Variants in RECQL5 observed in about 807,000 individuals in gnomAD.
RECQL5 encodes the protein RecQ like helicase 5.
Under a neutral mutation model 103.4 loss-of-function variants are expected in RECQL5, and 88 were observed. The ratio of observed to expected loss-of-function variants is 0.85; its 90% CI spans 0.72 to 1.02. RECQL5 has a LOEUF of 1.02. Ranked by LOEUF, RECQL5 falls within the 50% of genes least tolerant of loss-of-function variation. The pLI is 0.00. For synonymous variants in RECQL5, 552 were observed against 507.9 expected (o/e 1.09, Z -1.17); for missense variants, 1,232 against 1,284.3 (o/e 0.96, Z 0.62).
chr17:75,652,072 C>T (rs1245713496), intron 7 of RECQL5, among the ~76,000 whole-genome samples: 1 of 151,904 alleles, frequency 6.6e-6, no homozygotes, highest in Non-Finnish European at 1.5e-5. Context: ...ACTAAAAATA[C>T]AAAAATTAGC....
intron 8 of RECQL5, chr17:75,649,863 G>A: frequency 2.0e-6 from 2 of 985,518 alleles, no homozygotes; most frequent in Non-Finnish European, 2.4e-6. Flanking sequence ...CCCAGCCCCT[G>A]GCAACCAGGC....
intron 7 of RECQL5, among the ~76,000 whole-genome samples, chr17:75,657,879 T>C (rs1350864317): frequency 2.0e-5 from 3 of 151,384 alleles, no homozygotes; most frequent in South Asian, 2.1e-4. Flanking sequence ...GAAACCCTGT[T>C]TCTACTAAAA....
intron 18 of RECQL5, among the ~76,000 whole-genome samples, 160 bp from the exon 19 acceptor site, chr17:75,627,852 T>C (rs1022255449): frequency 2.0e-5 from 3 of 152,004 alleles, no homozygotes; most frequent in African/African-American, 7.3e-5. Context: ...ACCCTGACTC[T>C]ACTAAAAATA....
At position 75,640,455 on chromosome 17, in the gene RECQL5, C is replaced by T; in HGVS notation, c.1230-8787G>A. 7.2e-7 allele frequency: 1 copy of T among 1,395,842 alleles called. No homozygotes were observed. Among genetic ancestry groups the T allele is most frequent in the Non-Finnish European group, 9.5e-7 (1 of 1,057,140 alleles). The allele number at this position is 1,395,842 out of a possible 1,614,324, so 86.5% of individuals were successfully genotyped here. A position where few individuals can be genotyped will look rare whatever the true frequency, so the allele number is the denominator to read the frequency against. On this transcript the variant is annotated intron_variant, in intron 8 of 19. Coordinates refer to ENST00000317905, the MANE Select transcript of RECQL5 (RefSeq NM_004259.7). The surrounding 1 kb of genome is among the most constrained non-coding windows in gnomAD (Gnocchi z 4.6). The stretch of plus-strand genomic sequence containing the variant: ...GGATCAAGGAGGAAAACCAGTTGTC[C>T]CTTGGGGGAAGCCAAGGGACTTCCC...
intron 8 of RECQL5, 137 bp from the exon 9 acceptor site, chr17:75,631,805 A>C: frequency 4.8e-6 from 4 of 836,556 alleles, no homozygotes; most frequent in Non-Finnish European, 7.5e-6. Flanking sequence ...CCCTCATCTC[A>C]TCCAAGCTGC....
rs9896073 is a variant in RECQL5, at chr17:75,630,903, G to C, written c.1586-66C>G. ...CTTCTGCGCTCTGAGGTCCCCCACA[G>C]CCCGGATGAGAATCCTCCCTCCATG... On this transcript the variant is annotated intron_variant, in intron 11 of 19. Transcript: ENST00000317905. The C allele has an allele frequency of 0.65, 1,034,768 of 1,580,830 alleles. 344,538 individuals are homozygous for C. Among genetic ancestry groups the C allele is most frequent in the Non-Finnish European group, 0.7 (807,877 of 1,161,384 alleles).
In RECQL5 at chr17:75,640,565, C is replaced by A. The variant is rs535045068; in HGVS notation, c.1230-8897G>T. Reference sequence around the variant, plus strand: ...CCCGGGATCCCAAACGCGGGGATGACGGGAGCCAGGCTTGGGCAGTGAAAG... The same window carrying A: ...CCCGGGATCCCAAACGCGGGGATGAAGGGAGCCAGGCTTGGGCAGTGAAAG... On this transcript the variant is annotated intron_variant, in intron 8 of 19. Transcript: ENST00000317905. The surrounding 1 kb of genome is among the most constrained non-coding windows in gnomAD (Gnocchi z 4.6). Among the ~76,000 whole-genome samples, 1 of 152,114 alleles carries A rather than the reference C, an allele frequency of 6.6e-6. No individual in the cohort carries two copies. The highest frequency in any genetic ancestry group is 2.4e-5 in the African/African-American group (1 of 41,420).
chr17:75,635,482 C>A (rs1179772933), intron 8 of RECQL5, among the ~76,000 whole-genome samples: 1 of 152,236 alleles, frequency 6.6e-6, no homozygotes, highest in East Asian at 1.9e-4. Context: ...GTTTCTAACA[C>A]CAGCAGCAGA....
chr17:75,662,944 C>G lies in RECQL5; in HGVS notation c.306G>C (p.Ser102=). ...CCTTCCTTTCCTGTGCAGAGAGCTT[C>G]GAGTTCAGGGAACTTACTCGTACCT... ...TLKVRVSSLN[S]KLSAQERKEL... is the part of the protein sequence containing the mutation. The change falls in exon 4 of 20, where the codon TCG becomes TCC. Residue 102 remains serine, a synonymous_variant. Transcript: ENST00000317905. 6.2e-7 allele frequency: 1 copy of G among 1,613,846 alleles called. No homozygotes were observed. Among genetic ancestry groups the G allele is most frequent in the Non-Finnish European group, 8.5e-7 (1 of 1,179,948 alleles).
rs754078748 is a variant in RECQL5, at chr17:75,630,770, G to C, written c.1644+9C>G. ...CCGGCGGGTGGCTGAGGAGCTGCCC[G>C]TCTCTTACCTTCACAGTCAGCCTGG... On this transcript the variant is annotated intron_variant, in intron 12 of 19. Transcript: ENST00000317905. The C allele has an allele frequency of 9.0e-6, 14 of 1,554,494 alleles. No individual in the cohort carries two copies. Among genetic ancestry groups the C allele is most frequent in the Non-Finnish European group, 1.1e-5 (13 of 1,149,894 alleles).
At position 75,631,015 on chromosome 17, in the gene RECQL5, A is replaced by G. The variant is rs2059202630; in HGVS notation, c.1549-5T>C. ...TTCTATCTTGGGGTCTTTGCCCTGG[A>G]GGACAACATGAAGGACCCATGAGGC... On this transcript the variant is annotated splice_region_variant and splice_polypyrimidine_tract_variant and intron_variant, in intron 10 of 19. Coordinates refer to ENST00000317905, the MANE Select transcript of RECQL5 (RefSeq NM_004259.7). The G allele has an allele frequency of 1.2e-6, 2 of 1,613,638 alleles. No individual in the cohort carries two copies. Among genetic ancestry groups the G allele is most frequent in the South Asian group, 1.1e-5 (1 of 91,068 alleles).
chr17:75,628,682 C>A lies in RECQL5; in HGVS notation c.2570G>T (p.Arg857Leu). 2 of 1,587,130 alleles carry A rather than the reference C, an allele frequency of 1.3e-6. No individual in the cohort carries two copies. The highest frequency in any genetic ancestry group is 1.7e-6 in the Non-Finnish European group (2 of 1,172,980). ...AKDTWKGKRP[R>L]SQQENPESQP... Reference sequence around the variant, plus strand: ...CATCCCTGCCGGCACCTGCTGGGATCGAGGCCGCTTGCCCTTCCATGTGTC... The same window carrying A: ...CATCCCTGCCGGCACCTGCTGGGATAGAGGCCGCTTGCCCTTCCATGTGTC... Residue 857 changes from arginine to leucine, a missense_variant, in exon 17 of 20, where the codon CGA (arginine) becomes CTA (leucine). Transcript: ENST00000317905.
At position 75,666,583 on chromosome 17, in the gene RECQL5, TTA is replaced by T. The variant is rs746953645; in HGVS notation, c.-14-14_-14-13del. 56 of 1,611,984 alleles carry T rather than the reference TTA, an allele frequency of 3.5e-5. No individual in the cohort carries two copies. The highest frequency in any genetic ancestry group is 1.7e-5 in the Admixed American group (1 of 59,584). The stretch of plus-strand genomic sequence containing the variant: ...CTTAGCCAAGAACAGTGGCCAAAGG[TTA>T]AGGCAAAGGTAGTAAAAGGTTGCCA... On this transcript the variant is annotated splice_polypyrimidine_tract_variant and intron_variant, in intron 1 of 19. Coordinates refer to ENST00000317905, the MANE Select transcript of RECQL5 (RefSeq NM_004259.7).
At chr17:75,634,361 A>G in intron 8 of RECQL5, 1 of 556,088 alleles carries the variant, frequency 1.8e-6, no homozygotes, top group Non-Finnish European at 2.3e-6. Flanking sequence ...CCTCCTGCAC[A>G]CACCTGCACT....
intron 8 of RECQL5, chr17:75,635,959 G>T: frequency 1.7e-6 from 1 of 605,088 alleles, no homozygotes; most frequent in Non-Finnish European, 2.1e-6. Context: ...GCAAGGCTCC[G>T]TGTGCCAGGA....
chr17:75,657,919 G>C (rs1396780729), intron 7 of RECQL5, among the ~76,000 whole-genome samples: 1 of 151,968 alleles, frequency 6.6e-6, no homozygotes, highest in Non-Finnish European at 1.5e-5. Context: ...ATGGTGGCAT[G>C]CACCTGTAAT....
Position 75,628,295 on chromosome 17 carries a change from C to T in RECQL5, c.2728G>A (p.Val910Ile), listed in dbSNP as rs189805934. 80 of 1,614,148 alleles carry T rather than the reference C, an allele frequency of 5.0e-5. No individual in the cohort carries two copies. Among genetic ancestry groups the T allele is most frequent in the Middle Eastern group, 3.3e-4 (2 of 6,062 alleles). Residue 910 changes from valine (V) to isoleucine (I), a missense_variant, in exon 18 of 20, where the codon GTC becomes ATC. By Grantham distance (29) the Val-to-Ile change is conservative. Transcript: ENST00000317905. ...ACATTTGCAGCCTCCTTCAAGGAGACGCCAGGAGCGGAGAGCTGGAAGGGG... is the reference window on the plus strand; with the variant it reads ...ACATTTGCAGCCTCCTTCAAGGAGATGCCAGGAGCGGAGAGCTGGAAGGGG... ...QDPFQLSAPG[V>I]SLKEAANVVV... is the part of the protein sequence containing the mutation.
In RECQL5 at chr17:75,640,236, C is replaced by A. The variant is rs1379216308; in HGVS notation, c.1230-8568G>T. The stretch of plus-strand genomic sequence containing the variant: ...ACCGACTTCGTGCAGGAGATGCGCG[C>A]CGTGGGCGAGAGGCTGCTGCTCAAG... On this transcript the variant is annotated intron_variant, in intron 8 of 19. Transcript: ENST00000317905. This position sits in a 1 kb window ranked among gnomAD's most constrained non-coding sequence, Gnocchi z 4.6. 3.2e-6 allele frequency: 5 copies of A among 1,551,008 alleles called. No homozygotes were observed. The South Asian group carries it at 4.8e-5, about 15-fold the overall frequency.
chr17:75,640,834 C>A lies in RECQL5; in HGVS notation c.1230-9166G>T. On this transcript the variant is annotated intron_variant, in intron 8 of 19. Coordinates refer to ENST00000317905, the MANE Select transcript of RECQL5 (RefSeq NM_004259.7). This position sits in a 1 kb window ranked among gnomAD's most constrained non-coding sequence, Gnocchi z 4.6. Reference sequence around the variant, plus strand: ...TGCTGATAGCCTGCAGCTGCTGCTGCACTCACTGCTGCTGCCCTGAGCGGA... The same window carrying A: ...TGCTGATAGCCTGCAGCTGCTGCTGAACTCACTGCTGCTGCCCTGAGCGGA... 2 of 1,549,906 alleles carry A rather than the reference C, an allele frequency of 1.3e-6. No homozygotes were observed. The highest frequency in any genetic ancestry group is 4.9e-5 in the East Asian group (2 of 40,924).
Sources: allele counts gnomAD v4.1 joint callset (sites outside exome capture counted in the v4.1 genomes callset), GRCh38; gene constraint gnomAD v4.1.1; non-coding constraint Gnocchi (gnomAD v3.1); transcripts MANE v1.5; gene names NCBI Gene and HGNC (gene_info 2026-07-23, HGNC 2026-07-21).